Variants in PPHLN1 observed in about 807,000 individuals in gnomAD.
PPHLN1 encodes the protein periphilin 1, also known as periphilin-1.
A neutral mutation model predicts 51.3 loss-of-function variants in PPHLN1; 29 were observed. The observed-to-expected ratio is 0.57, with a 90% CI of 0.42 to 0.77. The LOEUF is 0.77. Among genes scored for constraint, PPHLN1 ranks in the 30% least tolerant of loss-of-function variants. PPHLN1 has a pLI of 0.00. For missense variants in PPHLN1, 436 were observed against 438.4 expected (o/e 0.99, Z 0.05); for synonymous variants, 147 against 147.8 (o/e 0.99, Z 0.04).
chr12:42,409,350 G>C (rs2079600640), intron 9 of PPHLN1, among the ~76,000 whole-genome samples: 1 of 152,150 alleles, frequency 6.6e-6, no homozygotes, highest in Non-Finnish European at 1.5e-5. Flanking sequence ...AAATGTGCAG[G>C]TTGGTGATAA....
intron 9 of PPHLN1, among the ~76,000 whole-genome samples, chr12:42,426,784 A>T (rs1566012064): frequency 6.6e-6 from 1 of 152,230 alleles, no homozygotes; most frequent in Non-Finnish European, 1.5e-5. Context: ...AACTCAACTC[A>T]TTGGACCCAG....
At chr12:42,416,066 G>A (rs769520075) in intron 9 of PPHLN1, among the ~76,000 whole-genome samples, 9 of 152,182 alleles carry the variant, frequency 5.9e-5, no homozygotes, top group Non-Finnish European at 1.3e-4. Flanking sequence ...AAAGGTGAAT[G>A]ACGTGCATGC....
At chr12:42,418,702 AC>A (rs1467880544) in intron 9 of PPHLN1, among the ~76,000 whole-genome samples, 1 of 152,112 alleles carries the variant, frequency 6.6e-6, no homozygotes, top group African/African-American at 2.4e-5. Flanking sequence ...TATCTCCCTG[AC>A]CAATCTAAGT....
At chr12:42,432,796 T>C (rs2082152831) in intron 9 of PPHLN1, among the ~76,000 whole-genome samples, 1 of 152,232 alleles carries the variant, frequency 6.6e-6, no homozygotes, top group South Asian at 2.1e-4. Flanking sequence ...CAAGTTGTTT[T>C]GTGCATTCTG....
chr12:42,422,015 G>A (rs1191016319), intron 9 of PPHLN1, among the ~76,000 whole-genome samples: 1 of 152,174 alleles, frequency 6.6e-6, no homozygotes, highest in African/African-American at 2.4e-5. Context: ...TGCTGTATTG[G>A]TTAGGTCTGT....
At chr12:42,331,780 C>G (rs2137693125) in intron 1 of PPHLN1, 1 of 152,268 alleles carries the variant, frequency 6.6e-6, no homozygotes, top group Non-Finnish European at 1.5e-5. Context: ...ATCTTGTTGG[C>G]TTAGATAACT....
chr12:42,392,599 C>CT (rs990008690), intron 7 of PPHLN1, among the ~76,000 whole-genome samples: 1 of 152,132 alleles, frequency 6.6e-6, no homozygotes, highest in African/African-American at 2.4e-5. Context: ...AGAGAATTAC[C>CT]TTAACGGCCC....
chr12:42,375,149 T>C, intron 5 of PPHLN1, 75 bp downstream of exon 5: 1 of 1,161,642 alleles, frequency 8.6e-7, no homozygotes, highest in East Asian at 2.5e-5. Context: ...GATTTCCTTC[T>C]AGGTGTAAGA....
In PPHLN1 at chr12:42,355,220, C is replaced by T. The variant is rs1308622634; in HGVS notation, c.297C>T (p.Tyr99=). 6.2e-6 allele frequency: 10 copies of T among 1,611,898 alleles called. No homozygotes were observed. Among genetic ancestry groups the T allele is most frequent in the Non-Finnish European group, 7.6e-6 (9 of 1,178,370 alleles). The change falls in exon 4 of 10, where the codon TAC becomes TAT. Residue 99 remains tyrosine (Y), a splice_region_variant and synonymous_variant. Coordinates refer to ENST00000358314, the MANE Select transcript of PPHLN1 (RefSeq NM_201439.2). ...DDHSASRQPE[Y]RDMRDGFRRK... ...ATTCTGCAAGCAGGCAACCTGAATACAGGTAAAAGGATAAAAATAATAGCA... is the reference window on the plus strand; with the variant it reads ...ATTCTGCAAGCAGGCAACCTGAATATAGGTAAAAGGATAAAAATAATAGCA...
At chr12:42,426,172 CCACACACACACACACACACACACA>C (rs71084653) in intron 9 of PPHLN1, among the ~76,000 whole-genome samples, 27 of 122,120 alleles carry the variant, frequency 2.2e-4, no homozygotes, top group East Asian at 1.0e-3. Flanking sequence ...AGACTTGACA[CCACACACACACACACACACACACA>C]CACACACACA....
chr12:42,386,187 G>A (rs1402602694), intron 6 of PPHLN1, among the ~76,000 whole-genome samples: 6 of 152,206 alleles, frequency 3.9e-5, no homozygotes, highest in African/African-American at 1.4e-4. Flanking sequence ...TTGTTGGGGT[G>A]TCCCCCATAG....
intron 9 of PPHLN1, among the ~76,000 whole-genome samples, chr12:42,420,668 CGCCCTCCCCT>C (rs2080916209): frequency 1.1e-5 from 1 of 94,238 alleles, no homozygotes; most frequent in African/African-American, 4.3e-5. Context: ...CCTTCCCTCC[CGCCCTCCCCT>C]CCCCTCCCCT....
intron 8 of PPHLN1, among the ~76,000 whole-genome samples, chr12:42,397,587 A>G (rs543980877): frequency 1.4e-5 from 2 of 144,834 alleles, no homozygotes; most frequent in African/African-American, 5.1e-5. Context: ...GTATAGGCCT[A>G]TGTCTTAGTT....
chr12:42,368,208 A>AT (rs570432771), intron 4 of PPHLN1, among the ~76,000 whole-genome samples: 1 of 151,198 alleles, frequency 6.6e-6, no homozygotes, highest in Non-Finnish European at 1.5e-5. Flanking sequence ...ATACTTACAA[A>AT]TTTTTTTTTC....
At chr12:42,416,512 C>T (rs539000746) in intron 9 of PPHLN1, among the ~76,000 whole-genome samples, 8 of 152,340 alleles carry the variant, frequency 5.3e-5, no homozygotes, top group African/African-American at 1.9e-4. Context: ...ATCACCTGCA[C>T]TTCTGTCAAT....
At chr12:42,339,309 C>T (rs2071142408) in intron 2 of PPHLN1, among the ~76,000 whole-genome samples, 1 of 152,168 alleles carries the variant, frequency 6.6e-6, no homozygotes, top group African/African-American at 2.4e-5. Flanking sequence ...TCAGCCTCTC[C>T]TAGTTTATAC....
chr12:42,347,723 T>C (rs1212290710), intron 2 of PPHLN1, among the ~76,000 whole-genome samples: 7 of 152,160 alleles, frequency 4.6e-5, no homozygotes, highest in Non-Finnish European at 1.0e-4. Context: ...TAGGTTGCAG[T>C]GAGCTGAGAT....
chr12:42,356,097 CAGT>C (rs2074022414), intron 4 of PPHLN1, among the ~76,000 whole-genome samples: 2 of 152,280 alleles, frequency 1.3e-5, no homozygotes, highest in African/African-American at 4.8e-5. Flanking sequence ...AATGACATCA[CAGT>C]GGTGGTATCG....
intron 9 of PPHLN1, among the ~76,000 whole-genome samples, chr12:42,412,876 T>C (rs2080001650): frequency 6.6e-6 from 1 of 152,232 alleles, no homozygotes; most frequent in Non-Finnish European, 1.5e-5. Flanking sequence ...TGATTAGTTA[T>C]GTTGAACATT....
Sources: allele counts gnomAD v4.1 joint callset (sites outside exome capture counted in the v4.1 genomes callset), GRCh38; gene constraint gnomAD v4.1.1; transcripts MANE v1.5; gene names NCBI Gene and HGNC (gene_info 2026-07-23, HGNC 2026-07-21).